Variants in TFCP2 observed in about 807,000 individuals in gnomAD.
TFCP2 encodes alpha-globin transcription factor CP2.
In TFCP2, 33 loss-of-function variants were observed where a neutral mutation model predicts 73.4. The ratio of observed to expected loss-of-function variants is 0.45; its 90% CI spans 0.34 to 0.60. The LOEUF (loss-of-function observed/expected upper bound fraction) is 0.60. TFCP2 is among the 20% of genes least tolerant of loss of function. TFCP2 has a pLI of 0.01. For missense variants in TFCP2, 352 were observed against 604.0 expected, an observed-to-expected ratio of 0.58 and a Z score of 4.37; for synonymous variants, 193 against 211.6, an observed-to-expected ratio of 0.91 and a Z score of 0.76.
intron 1 of TFCP2, among the ~76,000 whole-genome samples, chr12:51,141,401 A>G (rs1941189177): frequency 6.6e-6 from 1 of 152,072 alleles, no homozygotes; most frequent in Non-Finnish European, 1.5e-5. Flanking sequence ...ATATATTTTC[A>G]TTATGGCACT....
In TFCP2 at chr12:51,123,920, G is replaced by A. The variant is rs541485570; in HGVS notation, c.123-5148C>T. Reference sequence around the variant, plus strand: ...AGTCATTCACCTTAAGGTCTACATCGCTAAACCTAAACTAAGCTATGTTAT... The same window carrying A: ...AGTCATTCACCTTAAGGTCTACATCACTAAACCTAAACTAAGCTATGTTAT... On this transcript the variant is annotated intron_variant, in intron 1 of 14. Transcript: ENST00000257915. Among the ~76,000 whole-genome samples the A allele has an allele frequency of 2.6e-5, 4 of 152,212 alleles. No individual in the cohort carries two copies. The East Asian group carries it at 7.7e-4, about 29-fold the overall frequency.
intron 6 of TFCP2, among the ~76,000 whole-genome samples, chr12:51,108,057 G>A (rs1440519471): frequency 1.3e-5 from 2 of 151,892 alleles, no homozygotes; most frequent in Non-Finnish European, 2.9e-5. Flanking sequence ...GGCCGAGGCA[G>A]GCGGATTGCC....
rs972619019 is a variant in TFCP2, at chr12:51,094,388, G to C, written c.*853C>G. On this transcript the variant is annotated 3_prime_UTR_variant, in exon 15 of 15. Transcript: ENST00000257915. The stretch of plus-strand genomic sequence containing the variant: ...TGGTTAATTCCTCAGTTCATACTCA[G>C]TGTTATGTTGTAGTCACCAGAAGGG... 1.3e-5 allele frequency: 2 copies of C among 152,196 alleles called. No homozygotes were observed. The allele number at this position is 152,196 out of a possible 1,614,324, so 9.4% of individuals were successfully genotyped here.
intron 1 of TFCP2, chr12:51,124,756 T>C (rs1288698092): frequency 1.3e-6 from 1 of 751,404 alleles, no homozygotes; most frequent in Non-Finnish European, 2.4e-6. Flanking sequence ...ACGGCTGCCT[T>C]TTTCTGCTGC....
intron 1 of TFCP2, among the ~76,000 whole-genome samples, chr12:51,153,929 A>C (rs1211551083): frequency 6.6e-6 from 1 of 152,174 alleles, no homozygotes; most frequent in Non-Finnish European, 1.5e-5. Context: ...TTCTACATTT[A>C]ATTTTTTTGA....
chr12:51,147,412 A>G (rs1409049075), intron 1 of TFCP2, among the ~76,000 whole-genome samples: 1 of 152,212 alleles, frequency 6.6e-6, no homozygotes, highest in East Asian at 1.9e-4. Context: ...TTGTGTACAC[A>G]AAGTCCCAAG....
intron 1 of TFCP2, among the ~76,000 whole-genome samples, chr12:51,121,716 T>C (rs1434436611): frequency 6.6e-6 from 1 of 151,958 alleles, no homozygotes; most frequent in Non-Finnish European, 1.5e-5. Flanking sequence ...TCTGCCCACC[T>C]CAGCCTCCCA....
intron 4 of TFCP2, 40 bp downstream of exon 4, chr12:51,116,275 G>T: frequency 8.3e-7 from 1 of 1,211,954 alleles, no homozygotes; most frequent in Non-Finnish European, 1.2e-6. Context: ...TGGGTCCATA[G>T]CTAAAGGCAT....
chr12:51,142,020 C>A (rs184846459), intron 1 of TFCP2, among the ~76,000 whole-genome samples: 1 of 151,004 alleles, frequency 6.6e-6, no homozygotes, highest in East Asian at 2.0e-4. Flanking sequence ...CTGACTGACA[C>A]GGTGAAACCC....
At chr12:51,124,796 C>G in intron 1 of TFCP2, 1 of 896,442 alleles carries the variant, frequency 1.1e-6, no homozygotes, top group Non-Finnish European at 1.9e-6. Flanking sequence ...CAGCCTTTTT[C>G]TGCTGCTCAG....
rs923903025 is a variant in TFCP2 at position 51,095,173 on chromosome 12, C to G, written c.*68G>C. ...CAGACCTTCAAATCTCCATTCATAT[C>G]CCCCTTCAAGAGGGCCGTTTTCAGA... On this transcript the variant is annotated 3_prime_UTR_variant, in exon 15 of 15. Transcript: ENST00000257915. The G allele has an allele frequency of 6.6e-7, 1 of 1,520,486 alleles. No homozygotes were observed. The highest frequency in any genetic ancestry group is 9.1e-7 in the Non-Finnish European group (1 of 1,094,932). 94.2% of individuals were successfully genotyped at this position (1,520,486 alleles called of 1,614,324 possible).
At chr12:51,131,195 T>C (rs1357066852) in intron 1 of TFCP2, among the ~76,000 whole-genome samples, 1 of 143,032 alleles carries the variant, frequency 7.0e-6, no homozygotes, top group Non-Finnish European at 1.5e-5. Context: ...ATTAGCTGGG[T>C]GTGGTGGCGG....
intron 1 of TFCP2, among the ~76,000 whole-genome samples, chr12:51,166,131 A>G (rs1024283270): frequency 6.6e-6 from 1 of 152,050 alleles, no homozygotes; most frequent in Non-Finnish European, 1.5e-5. Context: ...CCTGGCTAAC[A>G]TGGTGAAACC....
At chr12:51,147,425 T>A (rs1941321747) in intron 1 of TFCP2, among the ~76,000 whole-genome samples, 1 of 152,176 alleles carries the variant, frequency 6.6e-6, no homozygotes, top group East Asian at 1.9e-4. Flanking sequence ...GTCCCAAGTT[T>A]ATTCTGTTAG....
chr12:51,139,035 G>A (rs1417758828), intron 1 of TFCP2, among the ~76,000 whole-genome samples: 1 of 152,198 alleles, frequency 6.6e-6, no homozygotes, highest in Non-Finnish European at 1.5e-5. Context: ...AATCAAAGCA[G>A]AAATGTTATT....
rs151110578 is a variant in TFCP2, at chr12:51,170,194, A to C, written c.122+2107T>G. On this transcript the variant is annotated intron_variant, in intron 1 of 14. Transcript: ENST00000257915. Reference sequence around the variant, plus strand: ...TGTTTTTATGCTCAGACTTACATAAACAAGGATAGGTAAAACCAAAGTTAA... The same window carrying C: ...TGTTTTTATGCTCAGACTTACATAACCAAGGATAGGTAAAACCAAAGTTAA... Among the ~76,000 whole-genome samples the C allele has an allele frequency of 2.1e-3, 313 of 152,326 alleles. 1 individual carries two copies. Among genetic ancestry groups the C allele is most frequent in the Non-Finnish European group, 3.9e-3 (263 of 68,030 alleles).
In TFCP2 at chr12:51,172,567, C is replaced by G; in HGVS notation, c.-145G>C. On this transcript the variant is annotated 5_prime_UTR_variant, in exon 1 of 15. Transcript: ENST00000257915. ...CCCACCAGCCACCCCCAAGCCCGAC[C>G]AGCACTGCTCTGTGCACAACTAATC... is the stretch of plus-strand genomic sequence containing the variant. 1 of 1,039,400 alleles carries G rather than the reference C, an allele frequency of 9.6e-7. No homozygotes were observed. The highest frequency in any genetic ancestry group is 1.5e-5 in the South Asian group (1 of 66,198). 64.4% of individuals were successfully genotyped at this position (1,039,400 alleles called of 1,614,324 possible). A position where few individuals can be genotyped will look rare whatever the true frequency, so the allele number is the denominator to read the frequency against.
intron 1 of TFCP2, among the ~76,000 whole-genome samples, chr12:51,154,334 T>C (rs557077073): frequency 6.6e-6 from 1 of 152,190 alleles, no homozygotes; most frequent in Non-Finnish European, 1.5e-5. Flanking sequence ...AGTTAATTTA[T>C]AAATTAGGCA....
Position 51,098,925 on chromosome 12 carries a change from A to C in TFCP2, c.1277-7T>G. ...AGATAGATAGCATGGTAAACTGCAA[A>C]AGGGAGAGAGCAACAGCAGTCAGTA... On this transcript the variant is annotated splice_region_variant and splice_polypyrimidine_tract_variant and intron_variant, in intron 12 of 14. Coordinates refer to ENST00000257915, the MANE Select transcript of TFCP2 (RefSeq NM_005653.5). 6.2e-7 allele frequency: 1 copy of C among 1,613,898 alleles called. No homozygotes were observed. The highest frequency in any genetic ancestry group is 1.7e-5 in the Admixed American group (1 of 59,992).
Sources: gnomAD v4.1 joint callset for allele counts (sites outside exome capture counted in the v4.1 genomes callset) on GRCh38, gnomAD v4.1.1 for gene constraint, MANE v1.5 for transcripts, NCBI Gene and HGNC (gene_info 2026-07-23, HGNC 2026-07-21) for gene names.